Variants in PDSS2 observed in about 807,000 individuals in gnomAD.
PDSS2 encodes the protein all trans-polyprenyl-diphosphate synthase PDSS2.
In PDSS2, 31 loss-of-function variants were observed where a neutral mutation model predicts 44.5. The observed-to-expected ratio is 0.70, with a 90% confidence interval of 0.52 to 0.94. The LOEUF is 0.94. Ranked by LOEUF, PDSS2 falls within the 40% of genes least tolerant of loss-of-function variation. PDSS2 has a pLI of 0.00. For missense variants in PDSS2, 452 were observed against 482.2 expected (o/e 0.94, Z 0.59); for synonymous variants, 157 against 180.3 (o/e 0.87, Z 1.03).
chr6:107,289,439 C>T (rs915564749), intron 2 of PDSS2, among the ~76,000 whole-genome samples: 1 of 151,050 alleles, frequency 6.6e-6, no homozygotes, highest in Non-Finnish European at 1.5e-5. Flanking sequence ...GCCTATCATG[C>T]CTATAATCCA....
chr6:107,423,918 T>C (rs1438840323), intron 1 of PDSS2, among the ~76,000 whole-genome samples: 2 of 152,152 alleles, frequency 1.3e-5, no homozygotes, highest in Admixed American at 6.5e-5. Flanking sequence ...AAATTTTTCT[T>C]CTTCCATAAA....
In PDSS2 at chr6:107,168,755, T is replaced by C. The variant is rs537277845; in HGVS notation, c.1042-13978A>G. 6.1e-3 allele frequency among the ~76,000 whole-genome samples: 928 copies of C among 152,102 alleles called. 7 individuals are homozygous for C. Among genetic ancestry groups the C allele is most frequent in the African/African-American group, 0.02 (846 of 41,480 alleles). The stretch of plus-strand genomic sequence containing the variant: ...TTATGAAGCTTAGTTTGGCTGGATA[T>C]GAAATTCTGGGTTGAAAATTCTTTT... On this transcript the variant is annotated intron_variant, in intron 7 of 7. Transcript: ENST00000369037.
chr6:107,181,896 A>G (rs1473938737), intron 7 of PDSS2, among the ~76,000 whole-genome samples: 1 of 152,056 alleles, frequency 6.6e-6, no homozygotes, highest in Non-Finnish European at 1.5e-5. Context: ...TCTCAAAAAA[A>G]AAAAAAAAAA....
At chr6:107,335,815 T>C (rs1777868183) in intron 1 of PDSS2, among the ~76,000 whole-genome samples, 1 of 152,082 alleles carries the variant, frequency 6.6e-6, no homozygotes, top group Non-Finnish European at 1.5e-5. Flanking sequence ...ATAAATAATA[T>C]ACAAATATAG....
At chr6:107,400,642 C>T (rs771296655) in intron 1 of PDSS2, among the ~76,000 whole-genome samples, 4 of 152,178 alleles carry the variant, frequency 2.6e-5, no homozygotes, top group South Asian at 2.1e-4. Flanking sequence ...CCCACTACCA[C>T]GTGCTAAGCT....
intron 2 of PDSS2, among the ~76,000 whole-genome samples, chr6:107,315,799 G>C (rs573797569): frequency 6.6e-6 from 1 of 152,288 alleles, no homozygotes; most frequent in South Asian, 2.1e-4. Flanking sequence ...ATTACCCAGG[G>C]AAGTAACAGC....
At chr6:107,431,850 C>T (rs891369375) in intron 1 of PDSS2, among the ~76,000 whole-genome samples, 8 of 152,260 alleles carry the variant, frequency 5.3e-5, no homozygotes, top group Middle Eastern at 3.4e-3. Context: ...GCAATGACAA[C>T]AATATGACCT....
chr6:107,398,217 C>T (rs1055293657), intron 1 of PDSS2, among the ~76,000 whole-genome samples: 1 of 152,056 alleles, frequency 6.6e-6, no homozygotes, highest in Non-Finnish European at 1.5e-5. Flanking sequence ...TTATTTTAAC[C>T]AAAACAACAC....
chr6:107,254,178 C>T (rs920168126), intron 3 of PDSS2, among the ~76,000 whole-genome samples: 2 of 151,384 alleles, frequency 1.3e-5, no homozygotes, highest in South Asian at 2.1e-4. Context: ...GGATTACAGG[C>T]GTCCACCACC....
At chr6:107,256,814 G>C (rs1469978641) in intron 3 of PDSS2, among the ~76,000 whole-genome samples, 1 of 151,960 alleles carries the variant, frequency 6.6e-6, no homozygotes, top group African/African-American at 2.4e-5. Context: ...AAGCCTCTGA[G>C]CCCAAGAGTT....
At chr6:107,252,566 T>C (rs1774856297) in intron 3 of PDSS2, among the ~76,000 whole-genome samples, 1 of 152,234 alleles carries the variant, frequency 6.6e-6, no homozygotes, top group Admixed American at 6.5e-5. Flanking sequence ...CATTGGTTCA[T>C]AAACTAACTA....
chr6:107,285,010 A>G (rs992928690), intron 2 of PDSS2, among the ~76,000 whole-genome samples: 2 of 152,228 alleles, frequency 1.3e-5, no homozygotes, highest in African/African-American at 4.8e-5. Context: ...AACTTGCCCA[A>G]GTTCACACAG....
At chr6:107,261,107 A>C (rs1315087927) in intron 3 of PDSS2, among the ~76,000 whole-genome samples, 3 of 152,234 alleles carry the variant, frequency 2.0e-5, no homozygotes, top group Non-Finnish European at 4.4e-5. Flanking sequence ...GAGTTTACTA[A>C]GTACTGGGTG....
intron 1 of PDSS2, among the ~76,000 whole-genome samples, chr6:107,339,910 A>C (rs551695880): frequency 1.3e-5 from 2 of 152,310 alleles, no homozygotes; most frequent in Admixed American, 6.5e-5. Flanking sequence ...CCAGTGACAT[A>C]ATCAGATATT....
intron 3 of PDSS2, among the ~76,000 whole-genome samples, chr6:107,262,369 T>C (rs956943413): frequency 2.6e-5 from 4 of 152,242 alleles, no homozygotes; most frequent in Admixed American, 1.3e-4. Flanking sequence ...TTCAGAAAAA[T>C]TGCCACTCAC....
intron 2 of PDSS2, among the ~76,000 whole-genome samples, chr6:107,319,942 G>A (rs1435010235): frequency 1.3e-5 from 2 of 152,154 alleles, no homozygotes; most frequent in African/African-American, 2.4e-5. Context: ...GTTCTGAGTT[G>A]AATGGTATAA....
At chr6:107,261,907 C>CTTTTTTTTTT (rs58274022) in intron 3 of PDSS2, among the ~76,000 whole-genome samples, 2 of 117,102 alleles carry the variant, frequency 1.7e-5, no homozygotes, top group African/African-American at 3.5e-5. Flanking sequence ...TCTTTCTTTT[C>CTTTTTTTTTT]TTTTTTTTTT....
intron 1 of PDSS2, among the ~76,000 whole-genome samples, chr6:107,429,901 A>AAAAAAATATATATATATAT (rs1166637352): frequency 3.1e-5 from 1 of 31,836 alleles, no homozygotes; most frequent in Non-Finnish European, 5.3e-5. Context: ...AAAAAAAAAA[A>AAAAAAATATATATATATAT]ATATATATAT....
intron 1 of PDSS2, among the ~76,000 whole-genome samples, chr6:107,380,233 T>C (rs2114456753): frequency 6.6e-6 from 1 of 152,312 alleles, no homozygotes; most frequent in South Asian, 2.1e-4. Flanking sequence ...AGCTGTCATC[T>C]ACTCTTAATT....
Sources: allele counts gnomAD v4.1 joint callset (sites outside exome capture counted in the v4.1 genomes callset), GRCh38; gene constraint gnomAD v4.1.1; transcripts MANE v1.5; gene names NCBI Gene and HGNC (gene_info 2026-07-23, HGNC 2026-07-21).